PLA2G5: variants seen among roughly 807,000 people sequenced by gnomAD.
PLA2G5 encodes phospholipase A2 group V, also known as Ca2+-dependent phospholipase A2.
PLA2G5 carries 12 observed loss-of-function variants against 15.9 expected under a neutral mutation model. The observed-to-expected ratio is 0.76, with a 90% CI of 0.48 to 1.23. The LOEUF (loss-of-function observed/expected upper bound fraction) is 1.23. PLA2G5 is among the 50% of genes most tolerant of loss of function. The pLI, the probability that PLA2G5 is intolerant of heterozygous loss-of-function variation, is 0.00. For missense variants in PLA2G5, 169 were observed against 177.1 expected, an observed-to-expected ratio of 0.95 and a Z score of 0.26; for synonymous variants, 71 against 71.4, an observed-to-expected ratio of 0.99 and a Z score of 0.03.
chr1:20,047,581 C>G (rs1277118617), intron 1 of PLA2G5, among the ~76,000 whole-genome samples: 1 of 152,054 alleles, frequency 6.6e-6, no homozygotes, highest in Non-Finnish European at 1.5e-5. Context: ...ATTTTATTTT[C>G]TGCCTGCTTT....
chr1:20,073,882 G>A (rs1383543565), intron 1 of PLA2G5, among the ~76,000 whole-genome samples: 1 of 151,920 alleles, frequency 6.6e-6, no homozygotes, highest in Non-Finnish European at 1.5e-5. Context: ...AAAAAAAGAA[G>A]ATATGCATTA....
chr1:20,057,083 G>GT (rs1399804807), intron 1 of PLA2G5, among the ~76,000 whole-genome samples: 6 of 151,894 alleles, frequency 4.0e-5, no homozygotes, highest in Admixed American at 2.6e-4. Context: ...TATAATACTA[G>GT]TTTTTTGTGT....
In PLA2G5 at chr1:20,074,994, T is replaced by C. The variant is rs183094160; in HGVS notation, c.-11+4529T>C. Among the ~76,000 whole-genome samples the C allele has an allele frequency of 1.5e-3, 233 of 152,326 alleles. 2 individuals are homozygous for C. Among genetic ancestry groups the C allele is most frequent in the African/African-American group, 5.4e-3 (225 of 41,574 alleles). ...GGGCCCAGGGCCAGGCACATCCCTC[T>C]GGGTGTGGCCTGCTAGGAACCCTCG... On this transcript the variant is annotated intron_variant, in intron 1 of 4. Coordinates refer to ENST00000375108, the MANE Select transcript of PLA2G5 (RefSeq NM_000929.3).
chr1:20,058,474 G>GT lies in PLA2G5; in HGVS notation n.277-1157dup, dbSNP rs1356075239. Among the ~76,000 whole-genome samples the GT allele has an allele frequency of 2.2e-4, 34 of 152,094 alleles. 1 individual carries two copies. Among genetic ancestry groups the GT allele is most frequent in the Non-Finnish European group, 2.5e-4 (17 of 68,026 alleles). ...CTTTCTTTTGATTAGTATTAGTAGGGTATATCTTTCTCCTTCCCTTTACTT... is the reference window on the plus strand; with the variant it reads ...CTTTCTTTTGATTAGTATTAGTAGGGTTATATCTTTCTCCTTCCCTTTACTT... On this transcript the variant is annotated intron_variant and non_coding_transcript_variant, in intron 1 of 6. Coordinates refer to the PLA2G5 transcript ENST00000460175.
At chr1:20,074,299 T>C (rs1481919055) in intron 1 of PLA2G5, among the ~76,000 whole-genome samples, 1 of 152,102 alleles carries the variant, frequency 6.6e-6, no homozygotes, top group East Asian at 1.9e-4. Context: ...TTGTAACATA[T>C]CTGCACACGA....
At chr1:20,059,250 T>C (rs918726263) in intron 1 of PLA2G5, among the ~76,000 whole-genome samples, 2 of 151,164 alleles carry the variant, frequency 1.3e-5, no homozygotes, top group Non-Finnish European at 2.9e-5. Context: ...CTTGTCAACA[T>C]AGCAAGACCT....
intron 1 of PLA2G5, among the ~76,000 whole-genome samples, chr1:20,034,994 C>G (rs1372830721): frequency 6.6e-6 from 1 of 152,162 alleles, no homozygotes; most frequent in Non-Finnish European, 1.5e-5. Context: ...GGAGTCCACT[C>G]AGGATCTGGA....
intron 2 of PLA2G5, among the ~76,000 whole-genome samples, chr1:20,085,780 G>A (rs1219502784): frequency 6.6e-6 from 1 of 152,160 alleles, no homozygotes; most frequent in Non-Finnish European, 1.5e-5. Context: ...AGATGTAGCT[G>A]CTAATTTGGG....
intron 1 of PLA2G5, among the ~76,000 whole-genome samples, chr1:20,041,324 G>A (rs1276840431): frequency 2.0e-5 from 3 of 152,232 alleles, no homozygotes; most frequent in Non-Finnish European, 4.4e-5. Flanking sequence ...CAGACTTTGT[G>A]TGAGAAATAA....
At chr1:20,043,602 G>C (rs2013733070) in intron 1 of PLA2G5, among the ~76,000 whole-genome samples, 1 of 152,150 alleles carries the variant, frequency 6.6e-6, no homozygotes, top group Non-Finnish European at 1.5e-5. Flanking sequence ...ATGAGCTGTG[G>C]CTGTAGTCCA....
chr1:20,081,751 G>A (rs1337072644), intron 1 of PLA2G5, among the ~76,000 whole-genome samples: 1 of 151,786 alleles, frequency 6.6e-6, no homozygotes, highest in African/African-American at 2.4e-5. Context: ...ACAGGCCTCA[G>A]CATCCTCAGG....
At chr1:20,077,026 G>A (rs912011708) in intron 1 of PLA2G5, 3 of 152,246 alleles carry the variant, frequency 2.0e-5, no homozygotes, top group Admixed American at 6.5e-5. Context: ...GCCCTGGGGC[G>A]AGCCTGCATG....
chr1:20,040,473 G>C (rs2013526502), intron 1 of PLA2G5, among the ~76,000 whole-genome samples: 1 of 151,926 alleles, frequency 6.6e-6, no homozygotes, highest in South Asian at 2.1e-4. Context: ...AGATGTCATG[G>C]TTCTTTTCTT....
Position 20,090,779 on chromosome 1 carries a change from A to G in PLA2G5, c.*87A>G. ...ACTGACTCTGCCTGGTTCCTGAGAGAGGCTCCTAAGTCACAGACCTCAGTC... is the reference window on the plus strand; with the variant it reads ...ACTGACTCTGCCTGGTTCCTGAGAGGGGCTCCTAAGTCACAGACCTCAGTC... On this transcript the variant is annotated 3_prime_UTR_variant, in exon 5 of 5. Coordinates refer to ENST00000375108, the MANE Select transcript of PLA2G5 (RefSeq NM_000929.3). The G allele has an allele frequency of 1.4e-6, 2 of 1,405,992 alleles. No homozygotes were observed. Among genetic ancestry groups the G allele is most frequent in the African/African-American group, 1.4e-5 (1 of 70,798 alleles). 87.1% of individuals were successfully genotyped at this position (1,405,992 alleles called of 1,614,324 possible). A position where few individuals can be genotyped will look rare whatever the true frequency, so the allele number is the denominator to read the frequency against.
At chr1:20,077,626 C>A (rs886787085) in intron 1 of PLA2G5, among the ~76,000 whole-genome samples, 2 of 152,226 alleles carry the variant, frequency 1.3e-5, no homozygotes, top group Non-Finnish European at 2.9e-5. Context: ...GTGCCAGGCA[C>A]TGTCCCGGGC....
At position 20,084,807 on chromosome 1, in the gene PLA2G5, G is replaced by GTTT; in HGVS notation, c.-10-7_-10-5dup. The GTTT allele has an allele frequency of 6.7e-7, 1 of 1,494,286 alleles. No homozygotes were observed. The highest frequency in any genetic ancestry group is 9.3e-7 in the Non-Finnish European group (1 of 1,078,744). 92.6% of individuals were successfully genotyped at this position (1,494,286 alleles called of 1,614,324 possible). A position where few individuals can be genotyped will look rare whatever the true frequency, so the allele number is the denominator to read the frequency against. On this transcript the variant is annotated splice_polypyrimidine_tract_variant and intron_variant, in intron 1 of 4. Transcript: ENST00000375108. ...GCCTGATAGATCTGTTGTGGGATGT[G>GTTT]TTTTTTTTTCCAGAACCCCAGAGAT...
chr1:20,044,721 GGGAGGTGATAGAA>G (rs2013801489), intron 1 of PLA2G5, among the ~76,000 whole-genome samples: 1 of 152,110 alleles, frequency 6.6e-6, no homozygotes, highest in Non-Finnish European at 1.5e-5. Context: ...GTGTGAGGAG[GGGAGGTGATAGAA>G]GGATTATAGG....
At chr1:20,057,783 G>A (rs1206531464) in intron 1 of PLA2G5, among the ~76,000 whole-genome samples, 1 of 152,144 alleles carries the variant, frequency 6.6e-6, no homozygotes, top group Non-Finnish European at 1.5e-5. Flanking sequence ...ACAGGCATGA[G>A]CCACCGCACC....
intron 1 of PLA2G5, among the ~76,000 whole-genome samples, chr1:20,083,028 T>C (rs1039299113): frequency 5.9e-5 from 9 of 151,982 alleles, no homozygotes; most frequent in Admixed American, 2.6e-4. Flanking sequence ...TTTAGAGAGA[T>C]AGAGGATAGT....
Sources: gnomAD v4.1 joint callset for allele counts (sites outside exome capture counted in the v4.1 genomes callset) on GRCh38, gnomAD v4.1.1 for gene constraint, MANE v1.5 for transcripts, NCBI Gene and HGNC (gene_info 2026-07-23, HGNC 2026-07-21) for gene names.